Variants in BLM observed in about 807,000 individuals in gnomAD.
BLM encodes recQ-like DNA helicase BLM.
BLM carries 95 observed loss-of-function variants against 135.3 expected under a neutral mutation model. The ratio of observed to expected loss-of-function variants is 0.70; its 90% CI spans 0.59 to 0.83. BLM has a LOEUF of 0.83. Ranked by LOEUF, BLM falls within the 40% of genes least tolerant of loss-of-function variation. The probability of loss-of-function intolerance (pLI) is 0.00; values close to 1 mark genes in which losing one functional copy is unlikely to be tolerated. For synonymous variants in BLM, 520 were observed against 589.2 expected, an observed-to-expected ratio of 0.88 and a Z score of 1.70; for missense variants, 1,518 against 1,663.9, an observed-to-expected ratio of 0.91 and a Z score of 1.53.
intron 21 of BLM, among the ~76,000 whole-genome samples, chr15:90,813,023 A>C (rs414634): frequency 0.74 from 111,836 of 152,056 alleles, 41,368 homozygotes; most frequent in East Asian, 0.84. Context: ...CTCAACACCC[A>C]GGGTTTTTGA....
intron 21 of BLM, 116 bp from the exon 22 acceptor site, chr15:90,814,986 C>T: frequency 9.3e-7 from 1 of 1,070,810 alleles, no homozygotes; most frequent in Non-Finnish European, 1.4e-6. Context: ...GCAGAAAATG[C>T]ACAAGGACAC....
At chr15:90,731,804 T>TA in intron 1 of BLM, among the ~76,000 whole-genome samples, 1 of 152,162 alleles carries the variant, frequency 6.6e-6, no homozygotes, top group South Asian at 2.1e-4. Context: ...TTTTTACTCT[T>TA]AAAAATTTTT....
rs527463160 is a variant in BLM at position 90,751,217 on chromosome 15, A to G, written c.800-570A>G. Among the ~76,000 whole-genome samples, 4 of 152,344 alleles carry G rather than the reference A, an allele frequency of 2.6e-5. No homozygotes were observed. In the East Asian group the frequency reaches 7.7e-4, roughly 29 times the overall value. ...TAAAATTTTTAAACCCCTGAATCCC[A>G]TTAAGGTTACTCTAGGGTGAGAGAG... On this transcript the variant is annotated intron_variant, in intron 3 of 21. Coordinates refer to ENST00000355112, the MANE Select transcript of BLM (RefSeq NM_000057.4).
At position 90,771,625 on chromosome 15, in the gene BLM, G is replaced by C. The variant is rs1027933091; in HGVS notation, c.2555+2039G>C. Among the ~76,000 whole-genome samples the C allele has an allele frequency of 1.1e-4, 15 of 137,488 alleles. 1 individual carries two copies. Among genetic ancestry groups the C allele is most frequent in the Non-Finnish European group, 1.8e-4 (12 of 65,652 alleles). The allele number at this position is 137,488 out of a possible 152,430, so 90.2% of individuals were successfully genotyped here. On this transcript the variant is annotated intron_variant, in intron 12 of 21. Coordinates refer to ENST00000355112, the MANE Select transcript of BLM (RefSeq NM_000057.4). ...TTTTTTTTTTTTTTTTTGGAGACAG[G>C]TCTTACCATGTTGCCATGTTACCCA...
intron 1 of BLM, among the ~76,000 whole-genome samples, chr15:90,728,652 C>T (rs413388): frequency 6.6e-6 from 1 of 152,032 alleles, no homozygotes; most frequent in Non-Finnish European, 1.5e-5. Context: ...ATGATCCACC[C>T]ACCTTGGCCT....
intron 19 of BLM, among the ~76,000 whole-genome samples, chr15:90,808,365 C>G (rs1897327053): frequency 6.6e-6 from 1 of 152,168 alleles, no homozygotes; most frequent in Non-Finnish European, 1.5e-5. Context: ...CCCTCACTAC[C>G]CAGAGCCAGT....
chr15:90,747,732 A>T (rs1438550998), intron 2 of BLM: 2 of 443,664 alleles, frequency 4.5e-6, no homozygotes, highest in Non-Finnish European at 8.2e-6. Context: ...TGTTGAGTAA[A>T]TGAATAATTG....
Position 90,815,348 on chromosome 15 carries a change from GCTGTTATTC to G in BLM, c.*70_*78del, listed in dbSNP as rs1283153169. ...GCATCTGACCATCTGTGACTATAAA[GCTGTTATTC>G]TTGTTATACCATTTGAAGTTTTTAC... On this transcript the variant is annotated 3_prime_UTR_variant, in exon 22 of 22. Transcript: ENST00000355112. The surrounding 1 kb of genome is among the most constrained non-coding windows in gnomAD (Gnocchi z 4.6). 6.5e-7 allele frequency: 1 copy of G among 1,539,368 alleles called. No individual in the cohort carries two copies. Among genetic ancestry groups the G allele is most frequent in the African/African-American group, 1.4e-5 (1 of 73,174 alleles).
Position 90,790,789 on chromosome 15 carries a change from C to T in BLM, c.2964C>T (p.His988=), listed in dbSNP as rs2151184655. ...CTGGAAGAGATGGGGAAATATCTCA[C>T]TGCCTGCTTTTCTATACCTATCATG... ...GRAGRDGEIS[H]CLLFYTYHDV... is the part of the protein sequence containing the mutation. The change falls in exon 15 of 22, where the codon CAC becomes CAT. Residue 988 remains histidine (H), a synonymous_variant. Coordinates refer to ENST00000355112, the MANE Select transcript of BLM (RefSeq NM_000057.4). 6.2e-7 allele frequency: 1 copy of T among 1,614,154 alleles called. No homozygotes were observed. Among genetic ancestry groups the T allele is most frequent in the Middle Eastern group, 1.6e-4 (1 of 6,062 alleles).
chr15:90,805,779 C>CTGAGGGAGG (rs1897273441), intron 19 of BLM, among the ~76,000 whole-genome samples: 1 of 151,850 alleles, frequency 6.6e-6, no homozygotes, highest in Non-Finnish European at 1.5e-5. Context: ...TATCCCCCTG[C>CTGAGGGAGG]CTCAGCCTCC....
chr15:90,751,810 T>G lies in BLM; in HGVS notation c.823T>G (p.Leu275Val), dbSNP rs1895691672. Residue 275 changes from leucine (L) to valine (V), a missense_variant, in exon 4 of 22, where the codon TTG (leucine) becomes GTG (valine). Leu to Val is a conservative substitution (Grantham distance 32). Transcript: ENST00000355112. ...ERDNSEKKKN[L>V]EEAELHSTEK... ...AGATAATAGCGAAAAGAAGAAGAAT[T>G]TGGAAGAAGCTGAATTACATTCAAC... 6.2e-7 allele frequency: 1 copy of G among 1,612,522 alleles called. No homozygotes were observed.
chr15:90,764,095 C>CT (rs1226748387), intron 8 of BLM, among the ~76,000 whole-genome samples: 2 of 151,662 alleles, frequency 1.3e-5, no homozygotes, highest in Non-Finnish European at 2.9e-5. Context: ...TTTCAGAACT[C>CT]TAACGCTGGA....
chr15:90,738,443 A>G (rs1007879059), intron 1 of BLM, among the ~76,000 whole-genome samples: 4 of 152,100 alleles, frequency 2.6e-5, no homozygotes, highest in African/African-American at 9.7e-5. Flanking sequence ...GTGTGATGGT[A>G]CTTTGCTGTG....
chr15:90,796,401 T>G (rs1445505551), intron 16 of BLM, among the ~76,000 whole-genome samples: 1 of 152,170 alleles, frequency 6.6e-6, no homozygotes, highest in African/African-American at 2.4e-5. Flanking sequence ...AACTTGCTTT[T>G]AAAGGGCCAC....
chr15:90,804,398 A>T (rs980397185), intron 19 of BLM, 39 bp downstream of exon 19: 3 of 1,564,866 alleles, frequency 1.9e-6, no homozygotes, highest in Middle Eastern at 1.7e-4. Flanking sequence ...GGCACAGATT[A>T]ATAGGCCGAA....
intron 19 of BLM, among the ~76,000 whole-genome samples, chr15:90,805,461 G>A (rs146960145): frequency 1.9e-3 from 281 of 151,718 alleles, no homozygotes; most frequent in African/African-American, 6.4e-3. Context: ...GCAAATAATC[G>A]GCACAAATAA....
chr15:90,788,853 G>T (rs1258879644), intron 14 of BLM, among the ~76,000 whole-genome samples: 1 of 151,548 alleles, frequency 6.6e-6, no homozygotes, highest in Non-Finnish European at 1.5e-5. Context: ...CACACCTGTA[G>T]TCCCAGCTTC....
At chr15:90,754,387 C>G (rs1895761256) in intron 4 of BLM, among the ~76,000 whole-genome samples, 1 of 152,122 alleles carries the variant, frequency 6.6e-6, no homozygotes, top group Admixed American at 6.6e-5. Context: ...TTTGAAATCT[C>G]AGAAAAAAGA....
intron 1 of BLM, among the ~76,000 whole-genome samples, chr15:90,725,814 A>G (rs1366931993): frequency 6.6e-6 from 1 of 151,830 alleles, no homozygotes; most frequent in Non-Finnish European, 1.5e-5. Flanking sequence ...CCCAGCCTAC[A>G]GTCCCTTTTT....
Sources: allele counts gnomAD v4.1 joint callset (sites outside exome capture counted in the v4.1 genomes callset), GRCh38; gene constraint gnomAD v4.1.1; non-coding constraint Gnocchi (gnomAD v3.1); transcripts MANE v1.5; gene names NCBI Gene and HGNC (gene_info 2026-07-23, HGNC 2026-07-21).